The following CAMTA1 variants were observed in gnomAD, a reference collection of about 807,000 sequenced individuals.
CAMTA1 encodes calmodulin binding transcription activator 1, also known as calmodulin-binding transcription activator 1.
In CAMTA1, 27 loss-of-function variants were observed where a neutral mutation model predicts 170.9. That is an observed-to-expected ratio of 0.16 (90% confidence interval 0.12 to 0.22). CAMTA1 has a LOEUF of 0.22. Among genes scored for constraint, CAMTA1 ranks in the 10% least tolerant of loss-of-function variants. CAMTA1 has a pLI of 1.00. For synonymous variants in CAMTA1, 833 were observed against 891.5 expected (o/e 0.93, Z 1.17); for missense variants, 1,619 against 2,217.2 (o/e 0.73, Z 5.42).
chr1:6,789,681 A>G (rs1640462214), intron 1 of CAMTA1, among the ~76,000 whole-genome samples: 1 of 152,112 alleles, frequency 6.6e-6, no homozygotes, highest in Non-Finnish European at 1.5e-5. Context: ...GACTGGAGTC[A>G]TTCATTCAGG....
chr1:6,796,105 T>C (rs1484190719), intron 1 of CAMTA1, among the ~76,000 whole-genome samples: 2 of 151,644 alleles, frequency 1.3e-5, no homozygotes, highest in Non-Finnish European at 2.9e-5. Flanking sequence ...TGCTATGCTA[T>C]GGCTCCTTTG....
At chr1:7,595,568 C>T (rs562579758) in intron 6 of CAMTA1, among the ~76,000 whole-genome samples, 1 of 152,152 alleles carries the variant, frequency 6.6e-6, no homozygotes, top group Non-Finnish European at 1.5e-5. Flanking sequence ...CCGGGGATGC[C>T]CTGCACAGGC....
At chr1:7,671,479 C>A (rs536558172) in intron 10 of CAMTA1, among the ~76,000 whole-genome samples, 95 of 152,304 alleles carry the variant, frequency 6.2e-4, no homozygotes, top group African/African-American at 2.2e-3. Context: ...GCCAGGAGAG[C>A]CCAGGCAATG....
At chr1:7,202,793 G>A (rs945508860) in intron 4 of CAMTA1, among the ~76,000 whole-genome samples, 3 of 152,078 alleles carry the variant, frequency 2.0e-5, no homozygotes, top group Middle Eastern at 3.4e-3. Context: ...GATTCCTCAC[G>A]ATTTTCTAAA....
chr1:7,466,618 A>C (rs1229892636), intron 5 of CAMTA1, among the ~76,000 whole-genome samples: 1 of 152,184 alleles, frequency 6.6e-6, no homozygotes, highest in Non-Finnish European at 1.5e-5. Context: ...AGTGAGATTA[A>C]AATGAGCAAG....
Position 7,224,725 on chromosome 1 carries a change from A to G in CAMTA1, c.303-24766A>G, listed in dbSNP as rs923419457. 4.6e-5 allele frequency among the ~76,000 whole-genome samples: 7 copies of G among 152,126 alleles called. No homozygotes were observed. The East Asian group carries it at 5.8e-4, about 13-fold the overall frequency. On this transcript the variant is annotated intron_variant, in intron 4 of 22. Transcript: ENST00000303635. This position sits in a 1 kb window ranked among gnomAD's most constrained non-coding sequence, Gnocchi z 5.2. ...GTTAGTGGGGACCTGATGAAAGCCCACCTGGGGCTCTTGATGTGGGAGTGT... is the reference window on the plus strand; with the variant it reads ...GTTAGTGGGGACCTGATGAAAGCCCGCCTGGGGCTCTTGATGTGGGAGTGT...
chr1:7,326,010 C>T (rs1238458412), intron 5 of CAMTA1, among the ~76,000 whole-genome samples: 3 of 152,188 alleles, frequency 2.0e-5, no homozygotes, highest in Non-Finnish European at 4.4e-5. Context: ...AGGCGTGCGC[C>T]ACCATGCCTG....
chr1:7,736,417 G>C lies in CAMTA1; in HGVS notation c.3140G>C (p.Ser1047Thr). 2 of 1,614,062 alleles carry C rather than the reference G, an allele frequency of 1.2e-6. No individual in the cohort carries two copies. The highest frequency in any genetic ancestry group is 2.2e-5 in the South Asian group (2 of 91,078). Residue 1047 changes from serine to threonine, a missense_variant, in exon 13 of 23, where the codon AGC (serine) becomes ACC (threonine). Ser to Thr is a moderately conservative substitution (Grantham distance 58, BLOSUM62 1). This residue lies in a region of CAMTA1 where 143 missense variants were observed against 184.2 expected (regional missense o/e 0.78). Transcript: ENST00000303635. This position sits in a 1 kb window ranked among gnomAD's most constrained non-coding sequence, Gnocchi z 4.5. ...RVVVVCEKMM[S>T]RACWAKSKHL... Reference sequence around the variant, plus strand: ...GTCGTGGTATGCGAGAAGATGATGAGCCGAGCCTGCTGGGCGAAGTCCAAG... The same window carrying C: ...GTCGTGGTATGCGAGAAGATGATGACCCGAGCCTGCTGGGCGAAGTCCAAG...
intron 3 of CAMTA1, among the ~76,000 whole-genome samples, chr1:6,982,853 G>T (rs1257144285): frequency 6.6e-6 from 1 of 152,162 alleles, no homozygotes; most frequent in Non-Finnish European, 1.5e-5. Flanking sequence ...TGCCTCAGTG[G>T]CCCAAACTCA....
At chr1:7,511,047 G>A (rs1025116892) in intron 6 of CAMTA1, among the ~76,000 whole-genome samples, 11 of 145,218 alleles carry the variant, frequency 7.6e-5, no homozygotes, top group Non-Finnish European at 1.4e-4. Context: ...GCACTCGCCC[G>A]ATTGCCCGAG....
At chr1:6,830,988 T>G (rs1348021570) in intron 3 of CAMTA1, among the ~76,000 whole-genome samples, 1 of 151,884 alleles carries the variant, frequency 6.6e-6, no homozygotes, top group Admixed American at 6.6e-5. Flanking sequence ...CCAGCCAATT[T>G]TTTGTATTTT....
At chr1:7,594,606 T>A (rs2095384426) in intron 6 of CAMTA1, among the ~76,000 whole-genome samples, 1 of 152,158 alleles carries the variant, frequency 6.6e-6, no homozygotes, top group South Asian at 2.1e-4. Flanking sequence ...GAAGGCCCTC[T>A]CAGGGTCCAG....
intron 3 of CAMTA1, among the ~76,000 whole-genome samples, chr1:7,042,483 G>T (rs1031344199): frequency 6.6e-5 from 10 of 152,220 alleles, no homozygotes; most frequent in African/African-American, 2.2e-4. Context: ...CGCTGAGATC[G>T]CAAGCCTTCC....
chr1:6,820,358 TG>T (rs1290577235), intron 2 of CAMTA1, 108 bp downstream of exon 2: 2 of 1,090,202 alleles, frequency 1.8e-6, no homozygotes, highest in Non-Finnish European at 2.8e-6. Context: ...TCAGAAGACC[TG>T]GGTTCTGCAC....
intron 5 of CAMTA1, among the ~76,000 whole-genome samples, chr1:7,347,139 G>T (rs193163507): frequency 6.6e-6 from 1 of 152,336 alleles, no homozygotes; most frequent in African/African-American, 2.4e-5. Context: ...CGGTGGCAGC[G>T]TCTGAGTAAC....
intron 5 of CAMTA1, among the ~76,000 whole-genome samples, chr1:7,253,310 G>A (rs551111619): frequency 2.6e-4 from 40 of 152,296 alleles, no homozygotes; most frequent in African/African-American, 9.1e-4. Context: ...TGAGCTGAGG[G>A]AGGTTAGTCA....
intron 6 of CAMTA1, among the ~76,000 whole-genome samples, chr1:7,582,149 G>A (rs1159108091): frequency 2.0e-5 from 3 of 152,184 alleles, no homozygotes; most frequent in African/African-American, 4.8e-5. Flanking sequence ...CTGTGCTCCA[G>A]GAGGCTGTCC....
At chr1:7,075,673 T>G (rs552651370) in intron 3 of CAMTA1, among the ~76,000 whole-genome samples, 55 of 151,912 alleles carry the variant, frequency 3.6e-4, no homozygotes, top group Middle Eastern at 6.8e-3. Context: ...TTTTTTTTTT[T>G]TTTTTTTGAG....
At chr1:7,623,873 G>A (rs534949513) in intron 6 of CAMTA1, among the ~76,000 whole-genome samples, 14 of 152,328 alleles carry the variant, frequency 9.2e-5, no homozygotes, top group Admixed American at 8.5e-4. Context: ...GCAATTAATT[G>A]CTGTCCCCTG....
Sources: allele counts gnomAD v4.1 joint callset (sites outside exome capture counted in the v4.1 genomes callset), GRCh38; gene constraint gnomAD v4.1.1; regional missense constraint gnomAD v4.1.1; non-coding constraint Gnocchi (gnomAD v3.1); transcripts MANE v1.5; gene names NCBI Gene and HGNC (gene_info 2026-07-23, HGNC 2026-07-21).